The following INTS6L variants were observed in gnomAD, a reference collection of about 807,000 sequenced individuals.
INTS6L encodes the protein integrator complex subunit 6-like.
A neutral mutation model predicts 64.7 loss-of-function variants in INTS6L; 18 were observed. That is an observed-to-expected ratio of 0.28 (90% confidence interval 0.19 to 0.41). The LOEUF is 0.41. Among genes scored for constraint, INTS6L ranks in the 10% least tolerant of loss-of-function variants. INTS6L has a pLI of 1.00. For missense variants in INTS6L, 533 were observed against 661.0 expected, an observed-to-expected ratio of 0.81 and a Z score of 2.12; for synonymous variants, 227 against 235.9, an observed-to-expected ratio of 0.96 and a Z score of 0.34.
chrX:135,531,086 AG>A (rs2085893917), intron 2 of INTS6L, among the ~76,000 whole-genome samples: 4 of 112,292 alleles, frequency 3.6e-5, no homozygotes, highest in African/African-American at 1.3e-4. Flanking sequence ...ACTGAAAAAT[AG>A]TACTGTTAAG....
At chrX:135,559,333 C>T (rs1556520892) in intron 9 of INTS6L, among the ~76,000 whole-genome samples, 1 of 111,813 alleles carries the variant, frequency 8.9e-6, no homozygotes, top group Admixed American at 9.5e-5. Flanking sequence ...AACCACTAAT[C>T]GGTTCTACAT....
In INTS6L at chrX:135,572,492, A is replaced by G. The variant is rs1188685263; in HGVS notation, c.1399-323A>G. On this transcript the variant is annotated intron_variant, in intron 11 of 17. Coordinates refer to ENST00000639893, the MANE Select transcript of INTS6L (RefSeq NM_001351601.3). ...GTCTGAGTCTGAAATGAACCTGTTC[A>G]CTTAGACTAGATTTTATAGTAACAA... 9 of 175,620 alleles carry G rather than the reference A, an allele frequency of 5.1e-5. No individual in the cohort carries two copies. The East Asian group carries it at 1.1e-3, about 21-fold the overall frequency. 14.5% of individuals were successfully genotyped at this position (175,620 alleles called of 1,213,427 possible). A position where few individuals can be genotyped will look rare whatever the true frequency, so the allele number is the denominator to read the frequency against.
At position 135,524,281 on chromosome X, in the gene INTS6L, A is replaced by G. The variant is rs1423712614; in HGVS notation, c.189+2963A>G. On this transcript the variant is annotated intron_variant, in intron 2 of 17. Transcript: ENST00000639893. ...ACTTGCTAATAGCTGGGAGCCATAA[A>G]TGTCTGTTTTCTGTCACACTGATTA... Among the ~76,000 whole-genome samples the G allele has an allele frequency of 4.5e-5, 5 of 111,110 alleles. No individual in the cohort carries two copies. In the East Asian group the frequency reaches 1.4e-3, roughly 31 times the overall value.
At chrX:135,558,317 C>T (rs1337986487) in intron 9 of INTS6L, among the ~76,000 whole-genome samples, 3 of 111,415 alleles carry the variant, frequency 2.7e-5, no homozygotes, top group Admixed American at 1.9e-4. Flanking sequence ...CCAAAAGAAT[C>T]GAATCCAGAA....
In INTS6L at chrX:135,577,403, A is replaced by T. The variant is rs1423483974; in HGVS notation, c.2095A>T (p.Ile699Leu). Reference sequence around the variant, plus strand: ...GTGGTTCCCATCTTATCCAAACCTCATAAAACCCACCCTTGTACATACAGG... The same window carrying T: ...GTGGTTCCCATCTTATCCAAACCTCTTAAAACCCACCCTTGTACATACAGG... ...ASWFPSYPNLIKPTLVHTDAT... is the reference protein window; with the variant it reads ...ASWFPSYPNLLKPTLVHTDAT... Residue 699 changes from isoleucine (I) to leucine (L), a missense_variant, in exon 15 of 18, where the codon ATA becomes TTA. Transcript: ENST00000639893. 2.5e-6 allele frequency: 3 copies of T among 1,210,003 alleles called. No homozygotes were observed. In the African/African-American group the frequency reaches 5.2e-5, roughly 21 times the overall value.
At chrX:135,551,063 C>T (rs1191133852) in intron 7 of INTS6L, among the ~76,000 whole-genome samples, 1 of 112,262 alleles carries the variant, frequency 8.9e-6, no homozygotes, top group Non-Finnish European at 1.9e-5. Flanking sequence ...CATTTAAGAG[C>T]TATTTTTCTC....
At chrX:135,526,513 ATTG>A (rs1454043141) in intron 2 of INTS6L, among the ~76,000 whole-genome samples, 1 of 111,708 alleles carries the variant, frequency 9.0e-6, no homozygotes, top group Non-Finnish European at 1.9e-5. Flanking sequence ...CCTGGGACAC[ATTG>A]GTTGGCCAGA....
At position 135,552,023 on chromosome X, in the gene INTS6L, G is replaced by T; in HGVS notation, c.936G>T (p.Arg312Ser). 1 of 1,193,880 alleles carries T rather than the reference G, an allele frequency of 8.4e-7. No individual in the cohort carries two copies. Among genetic ancestry groups the T allele is most frequent in the Non-Finnish European group, 1.1e-6 (1 of 889,225 alleles). Residue 312 changes from arginine to serine, a missense_variant, in exon 8 of 18, where the codon AGG becomes AGT. Coordinates refer to ENST00000639893, the MANE Select transcript of INTS6L (RefSeq NM_001351601.3). ...CACGAACATCTCATCCTGTTGTGAG[G>T]TTCTCCTGTGTAGATTGTGAGCCAA... ...LPPRTSHPVV[R>S]FSCVDCEPMV...
intron 2 of INTS6L, among the ~76,000 whole-genome samples, chrX:135,528,870 C>CG (rs1356928402): frequency 1.5e-5 from 1 of 67,214 alleles, no homozygotes; most frequent in Non-Finnish European, 2.8e-5. Flanking sequence ...ATGAACACCC[C>CG]CCCCCCCGAC....
At chrX:135,521,442 C>T in intron 2 of INTS6L, 124 bp downstream of exon 2, 3 of 686,203 alleles carry the variant, frequency 4.4e-6, no homozygotes, top group Non-Finnish European at 6.3e-6. Flanking sequence ...CGAGGGGGTG[C>T]GCAGAGGGCG....
intron 2 of INTS6L, among the ~76,000 whole-genome samples, chrX:135,533,292 G>T (rs2085957139): frequency 9.0e-6 from 1 of 111,661 alleles, no homozygotes; most frequent in Non-Finnish European, 1.9e-5. Flanking sequence ...AGGGTTTGGT[G>T]AACAGACAGA....
At chrX:135,581,494 T>A (rs1199419366) in intron 17 of INTS6L, 34 bp from the exon 18 acceptor site, 1 of 1,073,477 alleles carries the variant, frequency 9.3e-7, no homozygotes, top group African/African-American at 1.8e-5. Context: ...ACTTTAAGTA[T>A]CTTTTGGTTC....
chrX:135,549,722 C>T lies in INTS6L; in HGVS notation c.823C>T (p.Arg275Ter), dbSNP rs2086449678. Residue 275 changes from arginine (R) to a stop codon, truncating the protein, a stop_gained, in exon 7 of 18, where the codon CGA becomes TGA. Coordinates refer to ENST00000639893, the MANE Select transcript of INTS6L (RefSeq NM_001351601.3). LOFTEE classifies it high-confidence loss of function. ...TAGTTGTCATAAACTCATTTATGTA[C>T]GACCTAACTCTAAAACTGGTGTTCC... The part of the protein sequence containing the change: ...WHSCHKLIYV[R>*]PNSKTGVPVG... 8.3e-7 allele frequency: 1 copy of T among 1,210,161 alleles called. No homozygotes were observed.
intron 7 of INTS6L, 146 bp from the exon 8 acceptor site, chrX:135,551,848 A>C: frequency 4.1e-6 from 2 of 483,173 alleles, no homozygotes; most frequent in Non-Finnish European, 6.2e-6. Flanking sequence ...GTTCCTAGAG[A>C]TCTAGTAATC....
chrX:135,573,773 A>G (rs782550584), intron 12 of INTS6L, among the ~76,000 whole-genome samples, 166 bp from the exon 13 acceptor site: 16 of 112,673 alleles, frequency 1.4e-4, no homozygotes, highest in African/African-American at 5.2e-4. Context: ...GGTGTGTTAC[A>G]ATGCAGAACA....
intron 2 of INTS6L, among the ~76,000 whole-genome samples, chrX:135,523,209 A>T (rs1319038221): frequency 1.9e-5 from 2 of 107,637 alleles, no homozygotes; most frequent in African/African-American, 6.8e-5. Context: ...ACATGGTGAA[A>T]CCCCGTCTTT....
intron 13 of INTS6L, among the ~76,000 whole-genome samples, chrX:135,574,758 A>G: frequency 8.9e-6 from 1 of 112,085 alleles, no homozygotes; most frequent in East Asian, 2.8e-4. Context: ...TGAATGCCAT[A>G]GAGACTAGAC....
chrX:135,577,378 G>A lies in INTS6L; in HGVS notation c.2070G>A (p.Ser690=), dbSNP rs367734694. The change falls in exon 15 of 18, where the codon TCG becomes TCA. Residue 690 remains serine (S), a synonymous_variant. Transcript: ENST00000639893. ...GCGGAAAGGGACCACCCTCAGCCTC[G>A]TGGTTCCCATCTTATCCAAACCTCA... ...HVGGKGPPSA[S]WFPSYPNLIK... is the part of the protein sequence containing the mutation. 9.1e-6 allele frequency: 11 copies of A among 1,210,033 alleles called. No homozygotes were observed. Among genetic ancestry groups the A allele is most frequent in the South Asian group, 5.3e-5 (3 of 56,824 alleles).
chrX:135,565,303 G>A lies in INTS6L; in HGVS notation c.1193-4034G>A, dbSNP rs146953078. ...CATCCTCTCATCTTTGCCTTTGCTC[G>A]TCTTTCAGGTAATGGAGGTCAGATG... is the stretch of plus-strand genomic sequence containing the variant. On this transcript the variant is annotated intron_variant, in intron 9 of 17. Coordinates refer to ENST00000639893, the MANE Select transcript of INTS6L (RefSeq NM_001351601.3). Among the ~76,000 whole-genome samples the A allele has an allele frequency of 5.0e-4, 56 of 111,802 alleles. 1 individual carries two copies. In the East Asian group the frequency reaches 0.015, roughly 30 times the overall value.
Sources: gnomAD v4.1 joint callset for allele counts (sites outside exome capture counted in the v4.1 genomes callset) on GRCh38, gnomAD v4.1.1 for gene constraint, MANE v1.5 for transcripts, NCBI Gene and HGNC (gene_info 2026-07-23, HGNC 2026-07-21) for gene names.